The following PNPT1 variants were observed in gnomAD, a reference collection of about 807,000 sequenced individuals.
The protein encoded by PNPT1 is polyribonucleotide nucleotidyltransferase 1, also known as polyribonucleotide nucleotidyltransferase 1, mitochondrial.
Under a neutral mutation model 119.5 loss-of-function variants are expected in PNPT1, and 53 were observed. The observed-to-expected ratio is 0.44, with a 90% CI of 0.36 to 0.56. PNPT1 has a LOEUF of 0.56. Among genes scored for constraint, PNPT1 ranks in the 20% least tolerant of loss-of-function variants. PNPT1 has a pLI of 0.00. For synonymous variants in PNPT1, 357 were observed against 322.1 expected, an observed-to-expected ratio of 1.11 and a Z score of -1.16; for missense variants, 948 against 938.5, an observed-to-expected ratio of 1.01 and a Z score of -0.13.
intron 25 of PNPT1, among the ~76,000 whole-genome samples, chr2:55,642,120 G>C (rs563127040): frequency 6.6e-6 from 1 of 151,860 alleles, no homozygotes; most frequent in Non-Finnish European, 1.5e-5. Context: ...GATTACAGGC[G>C]TGAGCCACCA....
intron 26 of PNPT1, 100 bp downstream of exon 26, chr2:55,640,527 A>AGTAGTAGGCAAAGTGTATAATTCTT: frequency 1.0e-6 from 1 of 999,462 alleles, no homozygotes; most frequent in Non-Finnish European, 1.5e-6. Context: ...TGTTTAGGCT[A>AGTAGTAGGCAAAGTGTATAATTCTT]GTAGTAGGCA....
chr2:55,687,772 A>G (rs570913318), intron 1 of PNPT1, 67 bp from the exon 2 acceptor site: 21 of 1,267,074 alleles, frequency 1.7e-5, no homozygotes, highest in Non-Finnish European at 2.2e-5. Flanking sequence ...CTTAGTATAA[A>G]ATAATAAAAG....
intron 21 of PNPT1, 144 bp from the exon 22 acceptor site, chr2:55,645,576 C>G (rs1045388151): frequency 9.0e-6 from 5 of 552,656 alleles, no homozygotes; most frequent in Non-Finnish European, 1.6e-5. Flanking sequence ...TGAAAATTCA[C>G]TCATATTCTC....
At position 55,680,923 on chromosome 2, in the gene PNPT1, T is replaced by A. The variant is rs779063477; in HGVS notation, c.454-5A>T. ...TGCTAACAGATTACACAGAACCTGG[T>A]AAAAGGGAAAAAATTTGATTTGGAA... On this transcript the variant is annotated splice_region_variant and splice_polypyrimidine_tract_variant and intron_variant, in intron 5 of 27. Coordinates refer to ENST00000447944, the MANE Select transcript of PNPT1 (RefSeq NM_033109.5). 6.2e-7 allele frequency: 1 copy of A among 1,611,590 alleles called. No individual in the cohort carries two copies. Among genetic ancestry groups the A allele is most frequent in the East Asian group, 2.2e-5 (1 of 44,854 alleles).
intron 18 of PNPT1, among the ~76,000 whole-genome samples, chr2:55,650,383 G>A (rs1170887973): frequency 2.0e-5 from 3 of 152,204 alleles, no homozygotes; most frequent in Non-Finnish European, 4.4e-5. Context: ...AACTGCGAGT[G>A]ATCCGCTAGC....
At chr2:55,646,543 T>G in intron 19 of PNPT1, 57 bp from the exon 20 acceptor site, 1 of 1,394,996 alleles carries the variant, frequency 7.2e-7, no homozygotes, top group Non-Finnish European at 1.0e-6. Flanking sequence ...AGTCAACATA[T>G]TCACTGTAGA....
chr2:55,683,292 G>C (rs1012730209), intron 5 of PNPT1, among the ~76,000 whole-genome samples: 2 of 152,102 alleles, frequency 1.3e-5, no homozygotes, highest in South Asian at 4.1e-4. Flanking sequence ...AACTCAAACA[G>C]ACACTGAATA....
intron 15 of PNPT1, among the ~76,000 whole-genome samples, chr2:55,656,674 T>C (rs1412973310): frequency 1.3e-5 from 2 of 152,184 alleles, no homozygotes; most frequent in Non-Finnish European, 2.9e-5. Flanking sequence ...ATTTTTGTAA[T>C]AAGTAAAAAT....
At chr2:55,680,647 G>A in intron 7 of PNPT1, 65 bp downstream of exon 7, 2 of 1,414,126 alleles carry the variant, frequency 1.4e-6, no homozygotes, top group Admixed American at 3.9e-5. Context: ...GCTGTAACAT[G>A]GTCACTACTA....
In PNPT1 at chr2:55,687,672, T is replaced by A; in HGVS notation, c.195A>T (p.Arg65Ser). ...GTACTACAGCAGAGCCATCTGCAAA[T>A]CTGGCCAGCTTTCCAGAAGATATTT... ...KLEISSGKLA[R>S]FADGSAVVQS... Residue 65 changes from arginine to serine, a missense_variant, in exon 2 of 28, where the codon AGA (arginine) becomes AGT (serine). By Grantham distance (110) the Arg-to-Ser change is moderately radical. Transcript: ENST00000447944. The A allele has an allele frequency of 6.2e-7, 1 of 1,600,212 alleles. No homozygotes were observed. The highest frequency in any genetic ancestry group is 8.5e-7 in the Non-Finnish European group (1 of 1,175,680).
At chr2:55,643,980 C>A (rs1019222959) in intron 23 of PNPT1, among the ~76,000 whole-genome samples, 3 of 152,166 alleles carry the variant, frequency 2.0e-5, no homozygotes, top group Non-Finnish European at 2.9e-5. Flanking sequence ...TGAAATTCAC[C>A]ATCTAGTGAA....
intron 4 of PNPT1, among the ~76,000 whole-genome samples, chr2:55,684,595 T>A (rs1185909317): frequency 3.9e-5 from 6 of 152,246 alleles, no homozygotes; most frequent in African/African-American, 1.4e-4. Context: ...GAATTACTAT[T>A]CTGAACATGA....
At position 55,672,888 on chromosome 2, in the gene PNPT1, C is replaced by T; in HGVS notation, c.866+5G>A. The T allele has an allele frequency of 6.3e-7, 1 of 1,580,928 alleles. No individual in the cohort carries two copies. Among genetic ancestry groups the T allele is most frequent in the Non-Finnish European group, 8.6e-7 (1 of 1,168,708 alleles). On this transcript the variant is annotated splice_donor_5th_base_variant and intron_variant, in intron 9 of 27. Transcript: ENST00000447944. Reference sequence around the variant, plus strand: ...TCATATTTTCATTTGCACAGATGTTCTTACTTATGAGTATATTTCACAATC... The same window carrying T: ...TCATATTTTCATTTGCACAGATGTTTTTACTTATGAGTATATTTCACAATC...
chr2:55,644,043 C>T (rs957826500), intron 23 of PNPT1, among the ~76,000 whole-genome samples: 3 of 152,076 alleles, frequency 2.0e-5, no homozygotes, highest in East Asian at 1.9e-4. Context: ...CTCTTAATTA[C>T]GAGTAGAAAC....
intron 13 of PNPT1, among the ~76,000 whole-genome samples, chr2:55,663,752 G>A (rs1310818030): frequency 6.6e-6 from 1 of 152,166 alleles, no homozygotes; most frequent in Non-Finnish European, 1.5e-5. Flanking sequence ...GCTGAGGCAG[G>A]TGAATCACGA....
At position 55,645,267 on chromosome 2, in the gene PNPT1, G is replaced by A. The variant is rs911086423; in HGVS notation, c.1822+82C>T. 67 of 854,750 alleles carry A rather than the reference G, an allele frequency of 7.8e-5. 1 individual carries two copies. In the African/African-American group the frequency reaches 8.1e-4, roughly 10 times the overall value. 52.9% of individuals were successfully genotyped at this position (854,750 alleles called of 1,614,324 possible). A position where few individuals can be genotyped will look rare whatever the true frequency, so the allele number is the denominator to read the frequency against. Reference sequence around the variant, plus strand: ...TCTCGATCTCCTGACCTTGTGATCCGCTCGCCTCGGCCTCCCAAAGTGCTG... The same window carrying A: ...TCTCGATCTCCTGACCTTGTGATCCACTCGCCTCGGCCTCCCAAAGTGCTG... On this transcript the variant is annotated intron_variant, in intron 22 of 27. Transcript: ENST00000447944.
chr2:55,649,902 A>G (rs1008718215), intron 18 of PNPT1, among the ~76,000 whole-genome samples: 1 of 152,180 alleles, frequency 6.6e-6, no homozygotes, highest in African/African-American at 2.4e-5. Context: ...GGTATACAAT[A>G]ATCAATGTCC....
intron 8 of PNPT1, among the ~76,000 whole-genome samples, chr2:55,675,475 C>G (rs1182386162): frequency 1.3e-5 from 2 of 151,928 alleles, no homozygotes. Context: ...TGGATACCCC[C>G]CAAATAAACT....
intron 8 of PNPT1, among the ~76,000 whole-genome samples, chr2:55,677,246 C>T (rs1347008834): frequency 6.6e-6 from 1 of 152,196 alleles, no homozygotes; most frequent in Non-Finnish European, 1.5e-5. Flanking sequence ...GTGAGAAGAG[C>T]CAGCTGGAAG....
Sources: gnomAD v4.1 joint callset for allele counts (sites outside exome capture counted in the v4.1 genomes callset) on GRCh38, gnomAD v4.1.1 for gene constraint, MANE v1.5 for transcripts, NCBI Gene and HGNC (gene_info 2026-07-23, HGNC 2026-07-21) for gene names.